Variants in BRF1 observed in about 807,000 individuals in gnomAD.
BRF1 encodes transcription factor IIIB 90 kDa subunit.
In BRF1, 59 loss-of-function variants were observed where a neutral mutation model predicts 81.7. That is an observed-to-expected ratio of 0.72 (90% confidence interval 0.59 to 0.90). The LOEUF is 0.90. Ranked by LOEUF, BRF1 falls within the 40% of genes least tolerant of loss-of-function variation. BRF1 has a pLI of 0.00. For synonymous variants in BRF1, 491 were observed against 395.6 expected (o/e 1.24, Z -2.86); for missense variants, 1,050 against 936.3 (o/e 1.12, Z -1.58).
At chr14:105,249,003 C>T in intron 5 of BRF1, 2 of 1,042,754 alleles carry the variant, frequency 1.9e-6, no homozygotes, top group Non-Finnish European at 2.3e-6. Context: ...GCCGCCGCCG[C>T]CCGCGCCCGC....
At chr14:105,264,059 C>G (rs1199155223) in intron 3 of BRF1, among the ~76,000 whole-genome samples, 1 of 151,530 alleles carries the variant, frequency 6.6e-6, no homozygotes, top group Non-Finnish European at 1.5e-5. Flanking sequence ...ACCAAAGGAA[C>G]AAAAACAAAA....
intron 1 of BRF1, among the ~76,000 whole-genome samples, chr14:105,296,148 C>T (rs2057735330): frequency 2.0e-5 from 3 of 151,318 alleles, no homozygotes. Context: ...TGTGGTGGCT[C>T]ACACCTGTAA....
intron 2 of BRF1, among the ~76,000 whole-genome samples, chr14:105,274,572 G>A (rs995382011): frequency 1.3e-5 from 2 of 152,218 alleles, no homozygotes; most frequent in African/African-American, 2.4e-5. Flanking sequence ...CCGAGCACAC[G>A]CGCCTCCCTG....
At chr14:105,314,875 C>G (rs1256146961) in intron 1 of BRF1, 14 of 918,156 alleles carry the variant, frequency 1.5e-5, no homozygotes, top group South Asian at 4.9e-5. Flanking sequence ...GTCCGCGGCC[C>G]GGCCGCAGCC....
At chr14:105,299,208 T>C (rs1261549091) in intron 1 of BRF1, among the ~76,000 whole-genome samples, 2 of 151,760 alleles carry the variant, frequency 1.3e-5, no homozygotes, top group African/African-American at 2.4e-5. Context: ...AAATCACATA[T>C]ACAACAAAGG....
Position 105,271,731 on chromosome 14 carries a change from A to C in BRF1, c.439+990T>G, listed in dbSNP as rs2056664628. Among the ~76,000 whole-genome samples the C allele has an allele frequency of 6.6e-6, 1 of 152,244 alleles. No homozygotes were observed. The highest frequency in any genetic ancestry group is 1.5e-5 in the Non-Finnish European group (1 of 68,036). On this transcript the variant is annotated intron_variant, in intron 3 of 17. Transcript: ENST00000547530. The surrounding 1 kb of genome is among the most constrained non-coding windows in gnomAD (Gnocchi z 5.5). ...GCTCCTGACCCATGTGTGTGTCTGCAGATGGCAGCAGTGGGCACAGGACCA... is the reference window on the plus strand; with the variant it reads ...GCTCCTGACCCATGTGTGTGTCTGCCGATGGCAGCAGTGGGCACAGGACCA...
At chr14:105,248,334 A>T in intron 5 of BRF1, 1 of 985,476 alleles carries the variant, frequency 1.0e-6, no homozygotes, top group Non-Finnish European at 1.2e-6. Flanking sequence ...CTAACTGAAG[A>T]ACGGGCGCAA....
At chr14:105,260,961 T>A (rs2056123309) in intron 3 of BRF1, among the ~76,000 whole-genome samples, 1 of 152,202 alleles carries the variant, frequency 6.6e-6, no homozygotes, top group Non-Finnish European at 1.5e-5. Flanking sequence ...GCTAATGAGC[T>A]CCCAGGGCTC....
rs768847257 is a variant in BRF1 at position 105,219,036 on chromosome 14, C to T, written c.1477G>A (p.Ala493Thr). ...REQREKEARI[A>T]KEKELGIYKE... Reference sequence around the variant, plus strand: ...TAGATGCCGAGCTCCTTCTCTTTCGCTATTCTTGCTTCTTTTTCTAAAAGT... The same window carrying T: ...TAGATGCCGAGCTCCTTCTCTTTCGTTATTCTTGCTTCTTTTTCTAAAAGT... The change falls in exon 14 of 18, where the codon GCG (alanine) becomes ACG (threonine). Residue 493 changes from alanine to threonine, a missense_variant. Around this residue, in one of 2 missense-constraint regions of BRF1, gnomAD observed 1,043 missense variants for 915.4 expected, o/e 1.14. Coordinates refer to ENST00000547530, the MANE Select transcript of BRF1 (RefSeq NM_001519.4). 6 of 1,613,860 alleles carry T rather than the reference C, an allele frequency of 3.7e-6. No homozygotes were observed. Among genetic ancestry groups the T allele is most frequent in the Non-Finnish European group, 5.1e-6 (6 of 1,180,018 alleles).
In BRF1 at chr14:105,284,387, A is replaced by G. The variant is rs947761619; in HGVS notation, c.265+1909T>C. Among the ~76,000 whole-genome samples the G allele has an allele frequency of 6.6e-6, 1 of 151,656 alleles. No homozygotes were observed. Among genetic ancestry groups the G allele is most frequent in the Non-Finnish European group, 1.5e-5 (1 of 67,932 alleles). ...GTGAGGGATCATCGCAAGCCCAACT[A>G]CCCCTGCCAGCCTAGGTGTGTCGGT... On this transcript the variant is annotated intron_variant, in intron 2 of 17. Coordinates refer to ENST00000547530, the MANE Select transcript of BRF1 (RefSeq NM_001519.4). The surrounding 1 kb of genome is among the most constrained non-coding windows in gnomAD (Gnocchi z 4.0).
In BRF1 at chr14:105,300,713, C is replaced by T. The variant is rs912372543; in HGVS notation, c.-84G>A. The stretch of plus-strand genomic sequence containing the variant: ...TCCGGAGCAGCCCGCGCCGCCCGCC[C>T]AGGCCCAGCCGCCCAGGCCTCGCCG... On this transcript the variant is annotated 5_prime_UTR_variant, in exon 1 of 18. Coordinates refer to ENST00000547530, the MANE Select transcript of BRF1 (RefSeq NM_001519.4). 64 of 1,097,478 alleles carry T rather than the reference C, an allele frequency of 5.8e-5. No individual in the cohort carries two copies. In the South Asian group the frequency reaches 7.6e-4, roughly 13 times the overall value. 68.0% of individuals were successfully genotyped at this position (1,097,478 alleles called of 1,614,324 possible).
chr14:105,262,917 C>A (rs1256584986), intron 3 of BRF1, among the ~76,000 whole-genome samples: 1 of 151,112 alleles, frequency 6.6e-6, no homozygotes, highest in Non-Finnish European at 1.5e-5. Flanking sequence ...CCAGCCTGGA[C>A]AACATAGCAA....
At chr14:105,229,516 G>C (rs931234768) in intron 6 of BRF1, among the ~76,000 whole-genome samples, 3 of 152,218 alleles carry the variant, frequency 2.0e-5, no homozygotes, top group African/African-American at 4.8e-5. Context: ...CAATTCCGGA[G>C]CTGGGGTAGT....
At chr14:105,289,723 C>A (rs953630647) in intron 1 of BRF1, among the ~76,000 whole-genome samples, 4 of 152,194 alleles carry the variant, frequency 2.6e-5, no homozygotes, top group Admixed American at 2.6e-4. Flanking sequence ...GCAACCTCCG[C>A]CTCCCGGATT....
intron 1 of BRF1, chr14:105,314,941 G>T: frequency 8.7e-7 from 1 of 1,156,014 alleles, no homozygotes; most frequent in East Asian, 6.7e-5. Flanking sequence ...GGCCGCCTCG[G>T]CCTCCCCGGC....
upstream of BRF1, among the ~76,000 whole-genome samples, chr14:105,301,515 G>C (rs1234311101): frequency 6.6e-6 from 1 of 152,128 alleles, no homozygotes. Flanking sequence ...TGGTGGGCGG[G>C]GCCAGGGCAG....
chr14:105,299,766 T>C (rs2057904961), intron 1 of BRF1, among the ~76,000 whole-genome samples: 1 of 152,230 alleles, frequency 6.6e-6, no homozygotes, highest in African/African-American at 2.4e-5. Flanking sequence ...CTGGTGAAGA[T>C]GTGGGGCAAC....
At chr14:105,296,727 T>C (rs2057763448) in intron 1 of BRF1, among the ~76,000 whole-genome samples, 1 of 150,890 alleles carries the variant, frequency 6.6e-6, no homozygotes, top group South Asian at 2.1e-4. Flanking sequence ...CAAGTAAGTT[T>C]AGCAAAGCCA....
chr14:105,313,132 G>A lies in BRF1; in HGVS notation c.-162+2190C>T, dbSNP rs1467851215. ...CCCGCATCTCCTCACTTGACCCCCA[G>A]TTGTAGTCCCTGCCTGGGTTAGACG... On this transcript the variant is annotated intron_variant, in intron 1 of 17. Coordinates refer to the BRF1 transcript ENST00000327359. Among the ~76,000 whole-genome samples the A allele has an allele frequency of 2.6e-5, 4 of 152,164 alleles. No individual in the cohort carries two copies. In the East Asian group the frequency reaches 7.7e-4, roughly 29 times the overall value.
Sources: allele counts gnomAD v4.1 joint callset (sites outside exome capture counted in the v4.1 genomes callset), GRCh38; gene constraint gnomAD v4.1.1; regional missense constraint gnomAD v4.1.1; non-coding constraint Gnocchi (gnomAD v3.1); transcripts MANE v1.5; gene names NCBI Gene and HGNC (gene_info 2026-07-23, HGNC 2026-07-21).